NEK7: variants seen among roughly 807,000 people sequenced by gnomAD.
NEK7 encodes NIMA related kinase 7.
A neutral mutation model predicts 44.6 loss-of-function variants in NEK7; 18 were observed. That is an observed-to-expected ratio of 0.40 (90% CI 0.28 to 0.60). The LOEUF (loss-of-function observed/expected upper bound fraction) is 0.60, where lower values mean the gene tolerates loss of function less well. NEK7 is among the 20% of genes least tolerant of loss of function. The pLI is 0.38. For synonymous variants in NEK7, 130 were observed against 121.1 expected (o/e 1.07, Z -0.48); for missense variants, 256 against 366.5 (o/e 0.70, Z 2.46).
intron 8 of NEK7, among the ~76,000 whole-genome samples, chr1:198,295,087 CAA>C (rs113475655): frequency 1.3e-4 from 15 of 116,060 alleles, no homozygotes; most frequent in African/African-American, 4.0e-4. Flanking sequence ...CCTGAAACCT[CAA>C]AAAAAAAAAA....
intron 3 of NEK7, chr1:198,256,226 C>T: frequency 7.5e-7 from 1 of 1,325,518 alleles, no homozygotes; most frequent in East Asian, 2.6e-5. Flanking sequence ...GAATCCTCAG[C>T]TTAGTTTTTA....
chr1:198,235,147 T>C (rs2102879940), intron 2 of NEK7, among the ~76,000 whole-genome samples: 1 of 152,306 alleles, frequency 6.6e-6, no homozygotes, highest in Admixed American at 6.5e-5. Flanking sequence ...GTCAAGTTTC[T>C]GAGTGTCAAA....
chr1:198,205,830 C>CT (rs542598798), intron 1 of NEK7, among the ~76,000 whole-genome samples: 83 of 152,016 alleles, frequency 5.5e-4, no homozygotes, highest in Admixed American at 3.9e-3. Context: ...CTTACTGTAG[C>CT]TTTTTTTCCC....
chr1:198,311,422 C>T lies in NEK7; in HGVS notation c.799-7990C>T, dbSNP rs548768063. On this transcript the variant is annotated intron_variant, in intron 9 of 9. Coordinates refer to ENST00000367385, the MANE Select transcript of NEK7 (RefSeq NM_133494.3). The stretch of plus-strand genomic sequence containing the variant: ...ACTTCCTCTTTTCCTAATTGAATAC[C>T]CTTTATTTCCTTCTCCTGCCTAATT... Among the ~76,000 whole-genome samples the T allele has an allele frequency of 8.6e-5, 13 of 151,702 alleles. No individual in the cohort carries two copies. The South Asian group carries it at 2.5e-3, about 29-fold the overall frequency.
intron 1 of NEK7, among the ~76,000 whole-genome samples, chr1:198,183,082 A>G (rs942663215): frequency 1.3e-5 from 2 of 152,186 alleles, no homozygotes; most frequent in Admixed American, 1.3e-4. Flanking sequence ...TTTGGCAGAA[A>G]TAAGTGGGGC....
intron 8 of NEK7, among the ~76,000 whole-genome samples, chr1:198,294,062 A>T (rs1289397416): frequency 6.6e-6 from 1 of 151,926 alleles, no homozygotes; most frequent in African/African-American, 2.4e-5. Flanking sequence ...CTCTTTAAAA[A>T]TGTATGTCAT....
At chr1:198,280,350 CTAGTT>C (rs1654156471) in intron 7 of NEK7, among the ~76,000 whole-genome samples, 1 of 152,078 alleles carries the variant, frequency 6.6e-6, no homozygotes, top group African/African-American at 2.4e-5. Flanking sequence ...CATTCTGTCA[CTAGTT>C]TAGTTAGAAA....
At chr1:198,260,800 G>A (rs973627554) in intron 3 of NEK7, among the ~76,000 whole-genome samples, 1 of 151,988 alleles carries the variant, frequency 6.6e-6, no homozygotes, top group Non-Finnish European at 1.5e-5. Context: ...TAGTGAAAAA[G>A]CATATATATC....
chr1:198,283,922 G>A (rs1202674664), intron 7 of NEK7, among the ~76,000 whole-genome samples: 8 of 152,054 alleles, frequency 5.3e-5, no homozygotes, highest in Non-Finnish European at 1.0e-4. Flanking sequence ...GGTCTGCAGC[G>A]CCTTCATGCT....
At chr1:198,217,659 T>G (rs747767945) in intron 1 of NEK7, among the ~76,000 whole-genome samples, 1 of 151,954 alleles carries the variant, frequency 6.6e-6, no homozygotes, top group Non-Finnish European at 1.5e-5. Flanking sequence ...CTCTGTATGC[T>G]GATTATATGA....
intron 1 of NEK7, among the ~76,000 whole-genome samples, chr1:198,205,791 A>G (rs948777460): frequency 2.0e-5 from 3 of 152,144 alleles, no homozygotes; most frequent in African/African-American, 7.2e-5. Context: ...ACAGAGTAAG[A>G]GCGAATAAAA....
intron 5 of NEK7, among the ~76,000 whole-genome samples, chr1:198,269,592 A>G (rs975603008): frequency 1.1e-4 from 17 of 152,150 alleles, no homozygotes; most frequent in South Asian, 2.1e-4. Context: ...ATTGTAAATC[A>G]TTGTGCATCA....
intron 9 of NEK7, among the ~76,000 whole-genome samples, chr1:198,316,426 G>A (rs1227161886): frequency 1.3e-5 from 2 of 152,164 alleles, no homozygotes; most frequent in Non-Finnish European, 2.9e-5. Flanking sequence ...GAATGGAGAA[G>A]GATACTGTCA....
chr1:198,267,630 G>A (rs965009938), intron 5 of NEK7, among the ~76,000 whole-genome samples: 1 of 151,966 alleles, frequency 6.6e-6, no homozygotes, highest in Non-Finnish European at 1.5e-5. Context: ...TTTTAGTAGA[G>A]ATGGGATTTC....
intron 2 of NEK7, among the ~76,000 whole-genome samples, chr1:198,244,826 C>T (rs967452674): frequency 6.6e-5 from 10 of 151,702 alleles, no homozygotes; most frequent in African/African-American, 2.4e-4. Flanking sequence ...AAAAAAAAAC[C>T]CCCACTTTGG....
At chr1:198,299,759 A>G (rs1029237371) in intron 9 of NEK7, among the ~76,000 whole-genome samples, 1 of 152,224 alleles carries the variant, frequency 6.6e-6, no homozygotes, top group African/African-American at 2.4e-5. Context: ...CATACCTGCC[A>G]GTCAGCCTCA....
In NEK7 at chr1:198,253,070, A is replaced by G. The variant is rs1395242257; in HGVS notation, c.88A>G (p.Thr30Ala). The G allele has an allele frequency of 1.2e-6, 2 of 1,612,572 alleles. No homozygotes were observed. Among genetic ancestry groups the G allele is most frequent in the South Asian group, 2.2e-5 (2 of 90,956 alleles). Residue 30 changes from threonine to alanine, a missense_variant, in exon 3 of 10, where the codon ACA becomes GCA. Physicochemically the swap from Thr to Ala is moderately conservative, Grantham distance 58 (BLOSUM62 0). This residue lies in a region of NEK7 where 96 missense variants were observed against 94.9 expected (regional missense o/e 1.01). Transcript: ENST00000367385. ...KALRPDMGYN[T>A]LANFRIEKKI... ...CTTACGACCGGATATGGGCTATAAT[A>G]CATTAGCCAACTTTCGAATAGAAAA...
intron 1 of NEK7, among the ~76,000 whole-genome samples, chr1:198,157,940 A>G (rs1663964628): frequency 6.6e-6 from 1 of 152,234 alleles, no homozygotes; most frequent in African/African-American, 2.4e-5. Context: ...GGCCAAAGTC[A>G]GAGAAGGGTA....
At position 198,322,250 on chromosome 1, in the gene NEK7, A is replaced by G. The variant is rs1393735892; in HGVS notation, c.*2728A>G. ...GTTTTTAACCCACAAATGCATACTT[A>G]CCCTGTGCCTCATATTTCAATAGTA... On this transcript the variant is annotated 3_prime_UTR_variant, in exon 10 of 10. Transcript: ENST00000367385. The G allele has an allele frequency of 3.3e-5, 5 of 152,270 alleles. No individual in the cohort carries two copies. Among genetic ancestry groups the G allele is most frequent in the Non-Finnish European group, 5.9e-5 (4 of 67,984 alleles). The allele number at this position is 152,270 out of a possible 1,614,324, so 9.4% of individuals were successfully genotyped here.
Sources: gnomAD v4.1 joint callset for allele counts (sites outside exome capture counted in the v4.1 genomes callset) on GRCh38, gnomAD v4.1.1 for gene constraint, gnomAD v4.1.1 regional missense constraint, MANE v1.5 for transcripts, NCBI Gene and HGNC (gene_info 2026-07-23, HGNC 2026-07-21) for gene names.